Variants in GRM5 observed in about 807,000 individuals in gnomAD.
The protein encoded by GRM5 is metabotropic glutamate receptor 5.
Under a neutral mutation model 83.1 loss-of-function variants are expected in GRM5, and 19 were observed. The ratio of observed to expected loss-of-function variants is 0.23; its 90% CI spans 0.16 to 0.34. GRM5 has a LOEUF of 0.34. GRM5 is among the 10% of genes least tolerant of loss of function. GRM5 has a pLI of 1.00. For missense variants in GRM5, 1,160 were observed against 1,588.3 expected, an observed-to-expected ratio of 0.73 and a Z score of 4.58; for synonymous variants, 675 against 633.6, an observed-to-expected ratio of 1.07 and a Z score of -0.98.
chr11:88,843,906 G>A (rs1039190499), intron 3 of GRM5, among the ~76,000 whole-genome samples: 5 of 152,224 alleles, frequency 3.3e-5, no homozygotes, highest in Non-Finnish European at 5.9e-5. Flanking sequence ...TAAAGGCTGA[G>A]AGAGGGGAGG....
intron 6 of GRM5, among the ~76,000 whole-genome samples, chr11:88,592,354 T>C (rs1414084386): frequency 6.6e-6 from 1 of 152,222 alleles, no homozygotes. Flanking sequence ...ATTAATAATA[T>C]GCACATAAAT....
chr11:88,687,579 A>ATATATTATATAT (rs1250226972), intron 3 of GRM5, among the ~76,000 whole-genome samples: 5,976 of 46,812 alleles, frequency 0.13, 1,309 homozygotes, highest in Non-Finnish European at 0.14. Context: ...ATATATATAT[A>ATATATTATATAT]ATATATATAT....
At chr11:88,754,934 T>C (rs1192402466) in intron 3 of GRM5, among the ~76,000 whole-genome samples, 1 of 152,150 alleles carries the variant, frequency 6.6e-6, no homozygotes, top group Non-Finnish European at 1.5e-5. Flanking sequence ...TCATCACTCA[T>C]AGGCTGTGCA....
At chr11:88,825,575 G>C (rs1473467718) in intron 3 of GRM5, among the ~76,000 whole-genome samples, 1 of 152,114 alleles carries the variant, frequency 6.6e-6, no homozygotes. Context: ...GGTGTCTCTT[G>C]TAAAAGAAAT....
At position 88,944,348 on chromosome 11, in the gene GRM5, G is replaced by A. The variant is rs185838981; in HGVS notation, c.662-94193C>T. Reference sequence around the variant, plus strand: ...TGTGCATGAGTGTGTTTGGGTCACAGTGGGAGAATTAAATAGTTGTTAAAT... The same window carrying A: ...TGTGCATGAGTGTGTTTGGGTCACAATGGGAGAATTAAATAGTTGTTAAAT... On this transcript the variant is annotated intron_variant, in intron 2 of 9. Coordinates refer to ENST00000305447, the MANE Select transcript of GRM5 (RefSeq NM_001143831.3). 2.3e-3 allele frequency among the ~76,000 whole-genome samples: 355 copies of A among 152,022 alleles called. 2 individuals are homozygous for A. The highest frequency in any genetic ancestry group is 7.9e-3 in the African/African-American group (329 of 41,524).
chr11:89,059,468 G>A (rs1366541158), intron 1 of GRM5, among the ~76,000 whole-genome samples: 1 of 152,126 alleles, frequency 6.6e-6, no homozygotes, highest in Non-Finnish European at 1.5e-5. Flanking sequence ...CAAAAAAATT[G>A]ATATATGTTT....
At chr11:88,886,343 G>A (rs913291919) in intron 2 of GRM5, among the ~76,000 whole-genome samples, 13 of 152,240 alleles carry the variant, frequency 8.5e-5, no homozygotes, top group South Asian at 4.1e-4. Context: ...AACATTCATC[G>A]AGATGGTGAG....
At chr11:88,798,417 A>C (rs776090879) in intron 3 of GRM5, among the ~76,000 whole-genome samples, 2 of 152,174 alleles carry the variant, frequency 1.3e-5, no homozygotes, top group Non-Finnish European at 2.9e-5. Context: ...TATATTACAC[A>C]GAAAACACTT....
chr11:88,885,671 A>G (rs1393832726), intron 2 of GRM5, among the ~76,000 whole-genome samples: 1 of 151,970 alleles, frequency 6.6e-6, no homozygotes, highest in East Asian at 1.9e-4. Flanking sequence ...TGCAGTTCTC[A>G]TAAAAAAAAA....
intron 7 of GRM5, among the ~76,000 whole-genome samples, chr11:88,577,579 T>A (rs1279515881): frequency 6.6e-6 from 1 of 152,166 alleles, no homozygotes; most frequent in Non-Finnish European, 1.5e-5. Context: ...CTAGTCATTG[T>A]ATTGAACACT....
chr11:88,519,185 C>A (rs1941608875), intron 9 of GRM5, among the ~76,000 whole-genome samples: 1 of 151,434 alleles, frequency 6.6e-6, no homozygotes, highest in Admixed American at 6.6e-5. Context: ...AATGGGAGTT[C>A]CTTCTCCCTG....
rs1565260749 is a variant in GRM5, at chr11:88,850,079, G to A, written c.738C>T (p.Tyr246=). ...AKEGICIAHS[Y]KIYSNAGEQS... is the part of the protein sequence containing the mutation. ...GCTCCCCTGCATTACTGTAGATTTT[G>A]TAAGAGTGGGCGATGCAAATCCCTT... Residue 246 remains tyrosine, a synonymous_variant, in exon 3 of 10, where the codon TAC becomes TAT. Coordinates refer to ENST00000305447, the MANE Select transcript of GRM5 (RefSeq NM_001143831.3). The A allele has an allele frequency of 2.0e-6, 3 of 1,506,400 alleles. No homozygotes were observed. Among genetic ancestry groups the A allele is most frequent in the African/African-American group, 1.4e-5 (1 of 72,974 alleles). 93.3% of individuals were successfully genotyped at this position (1,506,400 alleles called of 1,614,324 possible). A position where few individuals can be genotyped will look rare whatever the true frequency, so the allele number is the denominator to read the frequency against.
intron 3 of GRM5, among the ~76,000 whole-genome samples, chr11:88,716,815 TTC>T (rs139334076): frequency 0.047 from 7,214 of 152,066 alleles, 165 homozygotes; most frequent in Middle Eastern, 0.071. Context: ...GTACTTACCA[TTC>T]TCTTTTAACT....
chr11:88,635,925 T>C (rs1275545422), intron 4 of GRM5, among the ~76,000 whole-genome samples: 1 of 152,228 alleles, frequency 6.6e-6, no homozygotes, highest in Non-Finnish European at 1.5e-5. Context: ...ATGATACTAA[T>C]GTATTAAAAT....
chr11:88,632,844 T>G, intron 4 of GRM5, among the ~76,000 whole-genome samples: 1 of 152,214 alleles, frequency 6.6e-6, no homozygotes, highest in East Asian at 1.9e-4. Flanking sequence ...TCCCAACATT[T>G]GATATGACCA....
intron 7 of GRM5, among the ~76,000 whole-genome samples, chr11:88,572,896 GTTA>G (rs1343440137): frequency 6.6e-6 from 1 of 152,090 alleles, no homozygotes; most frequent in African/African-American, 2.4e-5. Flanking sequence ...TTTAGCATAT[GTTA>G]TTATATTTTA....
intron 2 of GRM5, among the ~76,000 whole-genome samples, chr11:88,861,748 G>A (rs1036166264): frequency 1.3e-5 from 2 of 152,114 alleles, no homozygotes; most frequent in African/African-American, 4.8e-5. Context: ...CAGAGTGAGT[G>A]CTGGGATTAC....
chr11:88,795,834 C>A (rs1943265044), intron 3 of GRM5, among the ~76,000 whole-genome samples: 1 of 152,136 alleles, frequency 6.6e-6, no homozygotes, highest in African/African-American at 2.4e-5. Flanking sequence ...CCTGAGAAAA[C>A]AACGAGTTTA....
intron 3 of GRM5, among the ~76,000 whole-genome samples, chr11:88,800,386 A>G (rs541592683): frequency 6.6e-6 from 1 of 151,536 alleles, no homozygotes; most frequent in Admixed American, 6.6e-5. Context: ...AGGCAGAGTT[A>G]TGTAGTTCTT....
Sources: gnomAD v4.1 joint callset for allele counts (sites outside exome capture counted in the v4.1 genomes callset) on GRCh38, gnomAD v4.1.1 for gene constraint, MANE v1.5 for transcripts, NCBI Gene and HGNC (gene_info 2026-07-23, HGNC 2026-07-21) for gene names.